Variants in SZT2 observed in about 807,000 individuals in gnomAD.
The protein encoded by SZT2 is KICSTOR complex protein SZT2.
SZT2 carries 216 observed loss-of-function variants against 404.2 expected under a neutral mutation model. The observed-to-expected ratio is 0.53, with a 90% CI of 0.48 to 0.60. SZT2 has a LOEUF of 0.60. Among genes scored for constraint, SZT2 ranks in the 20% least tolerant of loss-of-function variants. The pLI is 0.00. For missense variants in SZT2, 3,857 were observed against 4,459.2 expected (o/e 0.86, Z 3.85); for synonymous variants, 1,693 against 1,749.9 (o/e 0.97, Z 0.81).
At chr1:43,427,788 A>G in intron 26 of SZT2, 54 bp downstream of exon 26, 3 of 1,583,496 alleles carry the variant, frequency 1.9e-6, no homozygotes, top group East Asian at 2.3e-5. Flanking sequence ...CTCCCAGCCA[A>G]GAAATAAGTA....
intron 7 of SZT2, 124 bp downstream of exon 7, chr1:43,416,765 A>G: frequency 1.4e-6 from 1 of 722,554 alleles, no homozygotes; most frequent in Non-Finnish European, 2.3e-6. Flanking sequence ...ACATGGGGGG[A>G]AGGAGTCATA....
rs528002925 is a variant in SZT2, at chr1:43,399,037, G to A, written c.28-4140G>A. ...GGAAGTTGCAGTGAGCCGAGATTGC[G>A]CCACTACACTCCAGCCTAGGCGACA... On this transcript the variant is annotated intron_variant, in intron 1 of 71. Transcript: ENST00000634258. 1.1e-4 allele frequency among the ~76,000 whole-genome samples: 17 copies of A among 151,336 alleles called. No individual in the cohort carries two copies. In the East Asian group the frequency reaches 2.1e-3, roughly 19 times the overall value.
Position 43,443,242 on chromosome 1 carries a change from C to G in SZT2, c.8474C>G (p.Ser2825Cys), listed in dbSNP as rs776673620. The change falls in exon 60 of 72, where the codon TCT becomes TGT. Residue 2825 changes from serine to cysteine, a missense_variant. Ser to Cys is a moderately radical substitution (Grantham distance 112). Coordinates refer to ENST00000634258, the MANE Select transcript of SZT2 (RefSeq NM_001365999.1). Reference sequence around the variant, plus strand: ...CTGTTTGTAACCTGGCAGCAGCGTTCTACCCCAGCCACCATGCCCATCAGT... The same window carrying G: ...CTGTTTGTAACCTGGCAGCAGCGTTGTACCCCAGCCACCATGCCCATCAGT... ...ENLFVTWQQR[S>C]TPATMPISAG... 2.5e-6 allele frequency: 4 copies of G among 1,614,060 alleles called. No homozygotes were observed. The highest frequency in any genetic ancestry group is 2.5e-6 in the Non-Finnish European group (3 of 1,180,036).
intron 65 of SZT2, 90 bp downstream of exon 65, chr1:43,446,506 A>G (rs1655692157): frequency 1.3e-6 from 2 of 1,509,466 alleles, no homozygotes; most frequent in Non-Finnish European, 1.8e-6. Context: ...CAGTAGAGTA[A>G]TGCAGTAGGC....
At chr1:43,395,781 C>T (rs962874228) in intron 1 of SZT2, among the ~76,000 whole-genome samples, 2 of 152,184 alleles carry the variant, frequency 1.3e-5, no homozygotes, top group African/African-American at 4.8e-5. Context: ...CAGCCCAGTG[C>T]CTAGCATGTA....
At chr1:43,445,548 C>T (rs1174499750) in intron 62 of SZT2, 1 of 347,622 alleles carries the variant, frequency 2.9e-6, no homozygotes, top group African/African-American at 2.1e-5. Context: ...CCTAACCAGG[C>T]ATCAAGCATC....
rs1570640764 is a variant in SZT2, at chr1:43,424,347, C to G, written c.2386C>G (p.Gln796Glu). 2 of 1,598,112 alleles carry G rather than the reference C, an allele frequency of 1.3e-6. No homozygotes were observed. The highest frequency in any genetic ancestry group is 1.7e-6 in the Non-Finnish European group (2 of 1,179,612). Residue 796 changes from glutamine (Q) to glutamate (E), a missense_variant, in exon 16 of 72, where the codon CAG becomes GAG. Coordinates refer to ENST00000634258, the MANE Select transcript of SZT2 (RefSeq NM_001365999.1). This position sits in a 1 kb window ranked among gnomAD's most constrained non-coding sequence, Gnocchi z 4.1. ...LASLSRYLYHQRWLWSVPSGL... is the reference protein window; with the variant it reads ...LASLSRYLYHERWLWSVPSGL... Reference sequence around the variant, plus strand: ...GTCACTGTCCCGCTACCTCTACCATCAGCGCTGGCTTTGGAGTGTCCCGTC... The same window carrying G: ...GTCACTGTCCCGCTACCTCTACCATGAGCGCTGGCTTTGGAGTGTCCCGTC...
In SZT2 at chr1:43,451,377, T is replaced by A. The variant is rs1656390460; in HGVS notation, c.*897T>A. On this transcript the variant is annotated 3_prime_UTR_variant, in exon 72 of 72. Transcript: ENST00000634258. ...AGAAAACAGCCCCTGTCCGGGTCCC[T>A]CCAGAGCTCCCTTCCCCAGGGCCAC... 1 of 1,611,730 alleles carries A rather than the reference T, an allele frequency of 6.2e-7. No homozygotes were observed. The highest frequency in any genetic ancestry group is 1.1e-5 in the South Asian group (1 of 91,082).
intron 7 of SZT2, among the ~76,000 whole-genome samples, chr1:43,417,423 AGAAGCAGTT>A (rs1651843497): frequency 6.6e-6 from 1 of 152,194 alleles, no homozygotes; most frequent in Admixed American, 6.5e-5. Flanking sequence ...CAAAAGGAAG[AGAAGCAGTT>A]GTGGTAGAGT....
In SZT2 at chr1:43,427,439, G is replaced by T. The variant is rs767628514; in HGVS notation, c.3592G>T (p.Ala1198Ser). Residue 1198 changes from alanine (A) to serine (S), a missense_variant, in exon 25 of 72, where the codon GCT (alanine) becomes TCT (serine). This residue lies in a region of SZT2 where 1,725 missense variants were observed against 1,881.0 expected (regional missense o/e 0.92). Coordinates refer to ENST00000634258, the MANE Select transcript of SZT2 (RefSeq NM_001365999.1). Reference protein sequence around the residue: ...SHVPVLSVTLASDNAQNQGEL... With the variant: ...SHVPVLSVTLSSDNAQNQGEL... ...CGTCCCTGTCCTCAGTGTGACCCTG[G>T]CTAGTGGTAAGGCTGCCGACTCAAG... The T allele has an allele frequency of 6.2e-7, 1 of 1,612,432 alleles. No homozygotes were observed. The highest frequency in any genetic ancestry group is 1.1e-5 in the South Asian group (1 of 90,988).
chr1:43,410,731 G>A (rs971052798), intron 4 of SZT2, among the ~76,000 whole-genome samples: 2 of 152,098 alleles, frequency 1.3e-5, no homozygotes, highest in Admixed American at 6.6e-5. Flanking sequence ...TAAGCAGAAG[G>A]AAATAACTAA....
intron 32 of SZT2, 24 bp downstream of exon 32, chr1:43,430,813 A>G (rs1653781599): frequency 6.3e-7 from 1 of 1,597,566 alleles, no homozygotes; most frequent in Non-Finnish European, 8.5e-7. Flanking sequence ...AGCCCGAGGG[A>G]AAGCCAAAGG....
chr1:43,399,091 A>G (rs1180937336), intron 1 of SZT2, among the ~76,000 whole-genome samples: 1 of 152,120 alleles, frequency 6.6e-6, no homozygotes, highest in Non-Finnish European at 1.5e-5. Flanking sequence ...AAAAAAAAAA[A>G]GAAAAAAATC....
At position 43,433,276 on chromosome 1, in the gene SZT2, A is replaced by G; in HGVS notation, c.5804+86A>G. Reference sequence around the variant, plus strand: ...CAGTACCTCTCTCCAGTGTTGTTAGAAGTAAGACTTGGGACTGAGAGCTTG... The same window carrying G: ...CAGTACCTCTCTCCAGTGTTGTTAGGAGTAAGACTTGGGACTGAGAGCTTG... On this transcript the variant is annotated intron_variant, in intron 40 of 71. Transcript: ENST00000634258. The G allele has an allele frequency of 3.4e-6, 5 of 1,454,196 alleles. No homozygotes were observed. In the South Asian group the frequency reaches 6.1e-5, roughly 18 times the overall value. The allele number at this position is 1,454,196 out of a possible 1,614,324, so 90.1% of individuals were successfully genotyped here.
intron 1 of SZT2, among the ~76,000 whole-genome samples, chr1:43,399,011 C>T (rs1649333533): frequency 6.6e-6 from 1 of 151,676 alleles, no homozygotes; most frequent in South Asian, 2.1e-4. Context: ...ACTGAGAAGG[C>T]GGAAGTTGCA....
intron 1 of SZT2, 53 bp from the exon 2 acceptor site, chr1:43,403,124 C>G: frequency 6.3e-7 from 1 of 1,594,416 alleles, no homozygotes; most frequent in Non-Finnish European, 8.6e-7. Flanking sequence ...TCTGTGTGTT[C>G]CAGGTACTCG....
chr1:43,449,933 G>C, intron 70 of SZT2, 170 bp from the exon 71 acceptor site: 4 of 736,216 alleles, frequency 5.4e-6, no homozygotes, highest in Non-Finnish European at 9.3e-6. Flanking sequence ...GCAAGCCAGC[G>C]AGGATGAGGA....
chr1:43,420,302 C>T lies in SZT2; in HGVS notation c.1240C>T (p.Arg414Ter), dbSNP rs749969629. Residue 414 changes from arginine to a stop codon, truncating the protein, a stop_gained, in exon 9 of 72, where the codon CGA (arginine) becomes TGA (stop). Transcript: ENST00000634258. LOFTEE classifies it high-confidence loss of function. This position sits in a 1 kb window ranked among gnomAD's most constrained non-coding sequence, Gnocchi z 5.1. ...ACGGCTTCGAGAGGGCTACAGTGTC[C>T]GAGAGGTCACACTGGCCAAAGGTAA... is the stretch of plus-strand genomic sequence containing the variant. ...SVRLREGYSV[R>*]EVTLAKGGSQ... 3.8e-6 allele frequency: 6 copies of T among 1,595,052 alleles called. No individual in the cohort carries two copies. The highest frequency in any genetic ancestry group is 1.7e-5 in the Admixed American group (1 of 59,466).
chr1:43,426,195 G>T lies in SZT2; in HGVS notation c.3043+44G>T, dbSNP rs759036392. On this transcript the variant is annotated intron_variant, in intron 21 of 71. Coordinates refer to ENST00000634258, the MANE Select transcript of SZT2 (RefSeq NM_001365999.1). The surrounding 1 kb of genome is among the most constrained non-coding windows in gnomAD (Gnocchi z 4.9). ...CTTTCACCCCACACCTAAAGGGCCA[G>T]CAAGCCTGGAAGTATTAGAAAATAA... 7.1e-5 allele frequency: 114 copies of T among 1,595,358 alleles called. No individual in the cohort carries two copies. The highest frequency in any genetic ancestry group is 9.1e-5 in the Non-Finnish European group (106 of 1,166,120).
Sources: allele counts gnomAD v4.1 joint callset (sites outside exome capture counted in the v4.1 genomes callset), GRCh38; gene constraint gnomAD v4.1.1; regional missense constraint gnomAD v4.1.1; non-coding constraint Gnocchi (gnomAD v3.1); transcripts MANE v1.5; gene names NCBI Gene and HGNC (gene_info 2026-07-23, HGNC 2026-07-21).